The following SPRED1 variants were observed in gnomAD, a reference collection of about 807,000 sequenced individuals.
SPRED1 encodes the protein sprouty-related, EVH1 domain-containing protein 1.
SPRED1 carries 18 observed loss-of-function variants against 52.3 expected under a neutral mutation model. The ratio of observed to expected loss-of-function variants is 0.34; its 90% confidence interval spans 0.24 to 0.51. The LOEUF is 0.51. SPRED1 is among the 20% of genes least tolerant of loss of function. SPRED1 has a pLI of 0.97. For synonymous variants in SPRED1, 155 were observed against 179.7 expected (o/e 0.86, Z 1.10); for missense variants, 485 against 551.0 (o/e 0.88, Z 1.20).
At chr15:38,318,882 G>A (rs1262805153) in intron 2 of SPRED1, among the ~76,000 whole-genome samples, 1 of 152,050 alleles carries the variant, frequency 6.6e-6, no homozygotes, top group East Asian at 1.9e-4. Context: ...CCATGTCTTT[G>A]CTATTGTGAA....
chr15:38,313,112 A>T (rs551497429), intron 2 of SPRED1, among the ~76,000 whole-genome samples: 1 of 152,104 alleles, frequency 6.6e-6, no homozygotes, highest in South Asian at 2.1e-4. Context: ...TGTTCAGTGT[A>T]TTTTTCCTAA....
In SPRED1 at chr15:38,339,736, G is replaced by C; in HGVS notation, c.424-1G>C. On this transcript the variant is annotated splice_acceptor_variant, in intron 4 of 6. Transcript: ENST00000299084. LOFTEE classifies it high-confidence loss of function. ...AATGCATTGAGGGTTGTTCCCAATA[G>C]GCAAATGAAGAGGATTCTTCCAGTT... 2 of 1,613,624 alleles carry C rather than the reference G, an allele frequency of 1.2e-6. No homozygotes were observed. Among genetic ancestry groups the C allele is most frequent in the Non-Finnish European group, 1.7e-6 (2 of 1,179,772 alleles).
chr15:38,351,874 G>A lies in SPRED1; in HGVS notation c.*210G>A. The A allele has an allele frequency of 1.6e-6, 1 of 626,584 alleles. No homozygotes were observed. Among genetic ancestry groups the A allele is most frequent in the Non-Finnish European group, 2.8e-6 (1 of 362,346 alleles). The allele number at this position is 626,584 out of a possible 1,614,324, so 38.8% of individuals were successfully genotyped here. A position where few individuals can be genotyped will look rare whatever the true frequency, so the allele number is the denominator to read the frequency against. On this transcript the variant is annotated 3_prime_UTR_variant, in exon 7 of 7. Coordinates refer to ENST00000299084, the MANE Select transcript of SPRED1 (RefSeq NM_152594.3). ...GGCATGTTTTGTTACAGGTTGTAGAGTATTTGCAGAAGGAAACCATTTCTG... is the reference window on the plus strand; with the variant it reads ...GGCATGTTTTGTTACAGGTTGTAGAATATTTGCAGAAGGAAACCATTTCTG...
intron 5 of SPRED1, among the ~76,000 whole-genome samples, chr15:38,348,185 A>G (rs1243259142): frequency 6.6e-6 from 1 of 151,884 alleles, no homozygotes; most frequent in Non-Finnish European, 1.5e-5. Flanking sequence ...CCTTTTGTGT[A>G]ATGTTCTTCT....
intron 1 of SPRED1, among the ~76,000 whole-genome samples, chr15:38,286,955 C>T (rs1171795071): frequency 1.3e-5 from 2 of 152,042 alleles, no homozygotes; most frequent in South Asian, 4.1e-4. Flanking sequence ...TATTATATTG[C>T]TACTTGTATT....
chr15:38,275,048 G>A (rs1894518729), intron 1 of SPRED1, among the ~76,000 whole-genome samples: 1 of 152,170 alleles, frequency 6.6e-6, no homozygotes. Context: ...TCATTCACTT[G>A]TTACTATTTT....
At position 38,351,031 on chromosome 15, in the gene SPRED1, C is replaced by G. The variant is rs138553244; in HGVS notation, c.702C>G (p.Ile234Met). Residue 234 changes from isoleucine to methionine, a missense_variant, in exon 7 of 7, where the codon ATC becomes ATG. Coordinates refer to ENST00000299084, the MANE Select transcript of SPRED1 (RefSeq NM_152594.3). ...KSQNRVPLKS[I>M]RHVSFQDEDE... is the part of the protein sequence containing the mutation. ...TTTTTTAGGTCCCTTTGAAATCAAT[C>G]AGACATGTCAGCTTTCAAGATGAGG... 210 of 1,613,424 alleles carry G rather than the reference C, an allele frequency of 1.3e-4. 1 individual carries two copies. In the African/African-American group the frequency reaches 2.6e-3, roughly 20 times the overall value.
chr15:38,253,106 C>T lies in SPRED1; in HGVS notation c.-80C>T. ...CCCGCGCCCCCCCGGCCGCCGCTGCCTCCTGCCCCTCGGTGCTGCTGTTGC... is the reference window on the plus strand; with the variant it reads ...CCCGCGCCCCCCCGGCCGCCGCTGCTTCCTGCCCCTCGGTGCTGCTGTTGC... On this transcript the variant is annotated 5_prime_UTR_variant, in exon 1 of 7. Transcript: ENST00000299084. 1.5e-6 allele frequency: 2 copies of T among 1,359,214 alleles called. No homozygotes were observed. The highest frequency in any genetic ancestry group is 1.8e-4 in the Middle Eastern group (1 of 5,414). 84.2% of individuals were successfully genotyped at this position (1,359,214 alleles called of 1,614,324 possible).
chr15:38,296,834 G>A (rs1895049474), intron 1 of SPRED1, among the ~76,000 whole-genome samples: 1 of 152,176 alleles, frequency 6.6e-6, no homozygotes. Flanking sequence ...GTGCAACAGT[G>A]TTAGGAGGTG....
chr15:38,262,712 C>T (rs956772971), intron 1 of SPRED1, among the ~76,000 whole-genome samples: 8 of 152,076 alleles, frequency 5.3e-5, no homozygotes, highest in African/African-American at 1.7e-4. Context: ...ATGGCAGAAG[C>T]CCCTGGAAAT....
chr15:38,278,315 C>T (rs1894604383), intron 1 of SPRED1, among the ~76,000 whole-genome samples: 1 of 152,110 alleles, frequency 6.6e-6, no homozygotes, highest in Non-Finnish European at 1.5e-5. Flanking sequence ...AACCCTGTCT[C>T]TACCAAAGAT....
chr15:38,295,139 CA>C (rs1895006916), intron 1 of SPRED1, among the ~76,000 whole-genome samples: 1 of 152,132 alleles, frequency 6.6e-6, no homozygotes, highest in Non-Finnish European at 1.5e-5. Flanking sequence ...GTAAAGCAGT[CA>C]CGTGTTTTGC....
chr15:38,291,753 T>C (rs8031167), intron 1 of SPRED1, among the ~76,000 whole-genome samples: 147,531 of 152,268 alleles, frequency 0.97, 71,631 homozygotes, highest in East Asian at 1. Flanking sequence ...CATGAAGTCC[T>C]TAGGCTACAC....
rs1317926847 is a variant in SPRED1 at position 38,351,196 on chromosome 15, A to T, written c.867A>T (p.Lys289Asn). 2 of 1,614,050 alleles carry T rather than the reference A, an allele frequency of 1.2e-6. No individual in the cohort carries two copies. The highest frequency in any genetic ancestry group is 1.7e-6 in the Non-Finnish European group (2 of 1,180,022). ...SIQFSKPDSK[K>N]SDYLYSCGDE... ...AGTTTTCTAAACCAGACAGTAAAAAATCAGACTATCTGTACTCTTGTGGGG... is the reference window on the plus strand; with the variant it reads ...AGTTTTCTAAACCAGACAGTAAAAATTCAGACTATCTGTACTCTTGTGGGG... The change falls in exon 7 of 7, where the codon AAA becomes AAT. Residue 289 changes from lysine (K) to asparagine (N), a missense_variant. Physicochemically the swap from Lys to Asn is moderately conservative, Grantham distance 94 (BLOSUM62 0). Around this residue, in one of 5 missense-constraint regions of SPRED1, gnomAD observed 205 missense variants for 245.2 expected, o/e 0.84. Coordinates refer to ENST00000299084, the MANE Select transcript of SPRED1 (RefSeq NM_152594.3).
chr15:38,271,536 T>G (rs968842003), intron 1 of SPRED1, among the ~76,000 whole-genome samples: 1 of 152,204 alleles, frequency 6.6e-6, no homozygotes, highest in Non-Finnish European at 1.5e-5. Flanking sequence ...CTAACATTTT[T>G]GAAGCTTACT....
intron 1 of SPRED1, among the ~76,000 whole-genome samples, chr15:38,291,853 T>C (rs777176442): frequency 3.3e-5 from 5 of 152,212 alleles, no homozygotes; most frequent in African/African-American, 4.8e-5. Flanking sequence ...TCTGAAGGTC[T>C]TTGACGTGGC....
intron 2 of SPRED1, among the ~76,000 whole-genome samples, chr15:38,305,197 G>C: frequency 6.6e-6 from 1 of 151,814 alleles, no homozygotes; most frequent in South Asian, 2.1e-4. Context: ...CTGGGCATGG[G>C]GGCAGACACC....
chr15:38,261,008 C>A (rs990931646), intron 1 of SPRED1, among the ~76,000 whole-genome samples: 1 of 152,058 alleles, frequency 6.6e-6, no homozygotes, highest in Non-Finnish European at 1.5e-5. Flanking sequence ...CCTCACTCAG[C>A]GAACTAGAAC....
intron 1 of SPRED1, among the ~76,000 whole-genome samples, chr15:38,270,231 T>G (rs560608416): frequency 6.6e-6 from 1 of 152,346 alleles, no homozygotes; most frequent in East Asian, 1.9e-4. Context: ...TTCTATTCCT[T>G]CAAGCCCAAC....
Sources: allele counts gnomAD v4.1 joint callset (sites outside exome capture counted in the v4.1 genomes callset), GRCh38; gene constraint gnomAD v4.1.1; regional missense constraint gnomAD v4.1.1; transcripts MANE v1.5; gene names NCBI Gene and HGNC (gene_info 2026-07-23, HGNC 2026-07-21).